GPR152: variants seen among roughly 807,000 people sequenced by gnomAD.
GPR152 encodes the protein probable G protein-coupled receptor 152.
For missense variants in GPR152, 549 were observed against 617.2 expected (o/e 0.89, Z 1.17); for synonymous variants, 278 against 289.0 (o/e 0.96, Z 0.39).
Position 67,451,899 on chromosome 11 carries a change from C to A in GPR152, c.826G>T (p.Ala276Ser), listed in dbSNP as rs1421846032. 1 of 1,611,648 alleles carries A rather than the reference C, an allele frequency of 6.2e-7. No individual in the cohort carries two copies. The highest frequency in any genetic ancestry group is 1.7e-5 in the Admixed American group (1 of 60,032). ...DVYSGYLLWE[A>S]LVYSDYLILL... The stretch of plus-strand genomic sequence containing the variant: ...ATCAGGTAGTCGGAGTAGACCAGGG[C>A]CTCCCAGAGCAGGTAGCCAGAGTAG... The change falls in exon 1 of 1, where the codon GCC (alanine) becomes TCC (serine). Residue 276 changes from alanine (A) to serine (S), a missense_variant. Transcript: ENST00000312457.
At position 67,451,939 on chromosome 11, in the gene GPR152, G is replaced by T; in HGVS notation, c.786C>A (p.Ala262=). 1 of 1,610,426 alleles carries T rather than the reference G, an allele frequency of 6.2e-7. No homozygotes were observed. The highest frequency in any genetic ancestry group is 8.5e-7 in the Non-Finnish European group (1 of 1,180,000). The change falls in exon 1 of 1, where the codon GCC becomes GCA. Residue 262 remains alanine, a synonymous_variant. Transcript: ENST00000312457. ...AGCCAGAGTAGACGTCCCACAGGAA[G>T]GCCAGGTAGAGCAGCTGGGCCAGCT... ...PYQLAQLLYL[A]FLWDVYSGYL...
In GPR152 at chr11:67,452,009, G is replaced by T. The variant is rs1157169962; in HGVS notation, c.716C>A (p.Ala239Asp). 3.1e-6 allele frequency: 5 copies of T among 1,611,816 alleles called. No individual in the cohort carries two copies. Among genetic ancestry groups the T allele is most frequent in the Non-Finnish European group, 3.4e-6 (4 of 1,179,870 alleles). ...CACATAGGCTGACAGAATGGTCCTG[G>T]CCACACGGGCGAAGCCCCGGCAGGC... ...PAACRGFARVARTILSAYVVL... is the reference protein window; with the variant it reads ...PAACRGFARVDRTILSAYVVL... The change falls in exon 1 of 1, where the codon GCC (alanine) becomes GAC (aspartate). Residue 239 changes from alanine to aspartate, a missense_variant. Transcript: ENST00000312457.
At position 67,452,166 on chromosome 11, in the gene GPR152, C is replaced by A. The variant is rs767420029; in HGVS notation, c.559G>T (p.Asp187Tyr). ...YDLVICLDFW[D>Y]SEELSLRMLE... Reference sequence around the variant, plus strand: ...ATCCTCAGCGACAGCTCCTCGCTGTCCCAGAAGTCCAGGCAGATGACCAGG... The same window carrying A: ...ATCCTCAGCGACAGCTCCTCGCTGTACCAGAAGTCCAGGCAGATGACCAGG... Residue 187 changes from aspartate (D) to tyrosine (Y), a missense_variant, in exon 1 of 1, where the codon GAC becomes TAC. Asp to Tyr is a radical substitution (Grantham distance 160). Coordinates refer to ENST00000312457, the MANE Select transcript of GPR152 (RefSeq NM_206997.1). 1.2e-6 allele frequency: 2 copies of A among 1,609,686 alleles called. No homozygotes were observed.
rs148053741 is a variant in GPR152 at position 67,451,747 on chromosome 11, C to T, written c.978G>A (p.Thr326=). The part of the protein sequence containing the change: ...ALCEERPGSF[T]PTEPQTQLDS... ...CTAGCTGGGTCTGTGGCTCAGTGGGCGTGAAGCTGCCCGGCCGCTCCTCGC... is the reference window on the plus strand; with the variant it reads ...CTAGCTGGGTCTGTGGCTCAGTGGGTGTGAAGCTGCCCGGCCGCTCCTCGC... Residue 326 remains threonine, a synonymous_variant, in exon 1 of 1, where the codon ACG becomes ACA. Coordinates refer to ENST00000312457, the MANE Select transcript of GPR152 (RefSeq NM_206997.1). The T allele has an allele frequency of 8.7e-6, 14 of 1,613,322 alleles. No homozygotes were observed. Among genetic ancestry groups the T allele is most frequent in the Non-Finnish European group, 1.1e-5 (13 of 1,180,032 alleles).
chr11:67,451,784 G>T lies in GPR152; in HGVS notation c.941C>A (p.Ala314Glu), dbSNP rs139892022. The change falls in exon 1 of 1, where the codon GCG (alanine) becomes GAG (glutamate). Residue 314 changes from alanine (A) to glutamate (E), a missense_variant. Transcript: ENST00000312457. ...TLLRSVLSSF[A>E]AALCEERPGS... ...CGGCCGCTCCTCGCAGAGAGCTGCC[G>T]CGAAGGACGAGAGCACGGAGCGCAG... is the stretch of plus-strand genomic sequence containing the variant. 36 of 1,613,192 alleles carry T rather than the reference G, an allele frequency of 2.2e-5. No homozygotes were observed. Among genetic ancestry groups the T allele is most frequent in the Non-Finnish European group, 2.9e-5 (34 of 1,180,024 alleles).
At position 67,452,321 on chromosome 11, in the gene GPR152, C is replaced by T; in HGVS notation, c.404G>A (p.Cys135Tyr). 6.2e-7 allele frequency: 1 copy of T among 1,610,716 alleles called. No individual in the cohort carries two copies. The change falls in exon 1 of 1, where the codon TGC (cysteine) becomes TAC (tyrosine). Residue 135 changes from cysteine (C) to tyrosine (Y), a missense_variant. By Grantham distance (194) the Cys-to-Tyr change is radical. Transcript: ENST00000312457. ...GCGGTGCCCAGGGTACCAGTGTGGG[C>T]ACAGCGCCAGCAGGCAGCGGTCGAG... Reference protein sequence around the residue: ...LSLDRCLLALCPHWYPGHRPV... With the variant: ...LSLDRCLLALYPHWYPGHRPV...
At position 67,451,397 on chromosome 11, in the gene GPR152, T is replaced by C; in HGVS notation, c.1328A>G (p.Glu443Gly). The change falls in exon 1 of 1, where the codon GAG becomes GGG. Residue 443 changes from glutamate (E) to glycine (G), a missense_variant. Transcript: ENST00000312457. ...PSSHPTPGALEDPATPPASEG... is the reference protein window; with the variant it reads ...PSSHPTPGALGDPATPPASEG... The stretch of plus-strand genomic sequence containing the variant: ...AGAGGCAGGAGGTGTGGCTGGGTCC[T>C]CAAGGGCCCCTGGGGTAGGATGCGA... 6.2e-7 allele frequency: 1 copy of C among 1,612,992 alleles called. No homozygotes were observed. The highest frequency in any genetic ancestry group is 2.2e-5 in the East Asian group (1 of 44,864).
In GPR152 at chr11:67,451,780, T is replaced by A; in HGVS notation, c.945A>T (p.Ala315=). Residue 315 remains alanine (A), a synonymous_variant, in exon 1 of 1, where the codon GCA becomes GCT. Coordinates refer to ENST00000312457, the MANE Select transcript of GPR152 (RefSeq NM_206997.1). ...LLRSVLSSFA[A]ALCEERPGSF... ...TGCCCGGCCGCTCCTCGCAGAGAGCTGCCGCGAAGGACGAGAGCACGGAGC... is the reference window on the plus strand; with the variant it reads ...TGCCCGGCCGCTCCTCGCAGAGAGCAGCCGCGAAGGACGAGAGCACGGAGC... 1 of 1,613,290 alleles carries A rather than the reference T, an allele frequency of 6.2e-7. No homozygotes were observed. The highest frequency in any genetic ancestry group is 8.5e-7 in the Non-Finnish European group (1 of 1,179,994).
In GPR152 at chr11:67,452,572, C is replaced by T. The variant is rs113329646; in HGVS notation, c.153G>A (p.Ala51=). The T allele has an allele frequency of 1.4e-4, 232 of 1,610,142 alleles. 6 individuals carry two copies. Among genetic ancestry groups the T allele is most frequent in the African/African-American group, 6.7e-4 (50 of 75,006 alleles). The change falls in exon 1 of 1, where the codon GCG becomes GCA. Residue 51 remains alanine (A), a synonymous_variant. Transcript: ENST00000312457. ...LLGLPANGLM[A]WLAGSQARHG... is the part of the protein sequence containing the mutation. Reference sequence around the variant, plus strand: ...GCCGGGCCTGGGAGCCGGCCAGCCACGCCATCAACCCATTGGCTGGCAGCC... The same window carrying T: ...GCCGGGCCTGGGAGCCGGCCAGCCATGCCATCAACCCATTGGCTGGCAGCC...
In GPR152 at chr11:67,451,633, G is replaced by C. The variant is rs1017033011; in HGVS notation, c.1092C>G (p.Leu364=). The C allele has an allele frequency of 6.2e-7, 1 of 1,614,008 alleles. No homozygotes were observed. The change falls in exon 1 of 1, where the codon CTC becomes CTG. Residue 364 remains leucine (L), a synonymous_variant. Transcript: ENST00000312457. ...GAGCTGTGGGATCCGATCGTGGCTG[G>C]AGTGTGGGGTTCACCTGAGGCTGGG... The part of the protein sequence containing the change: ...PVAQPQVNPT[L]QPRSDPTAQP...
At position 67,451,918 on chromosome 11, in the gene GPR152, A is replaced by G. The variant is rs1864574430; in HGVS notation, c.807T>C (p.Ser269=). Residue 269 remains serine, a synonymous_variant, in exon 1 of 1, where the codon TCT becomes TCC. Transcript: ENST00000312457. ...CCAGGGCCTCCCAGAGCAGGTAGCC[A>G]GAGTAGACGTCCCACAGGAAGGCCA... ...LYLAFLWDVY[S]GYLLWEALVY... is the part of the protein sequence containing the mutation. The G allele has an allele frequency of 2.5e-6, 4 of 1,610,808 alleles. No individual in the cohort carries two copies. Among genetic ancestry groups the G allele is most frequent in the Non-Finnish European group, 3.4e-6 (4 of 1,180,004 alleles).
chr11:67,452,056 G>A lies in GPR152; in HGVS notation c.669C>T (p.Cys223=). ...AGGCTGCGGGCTGCTGTTGGCGGTG[G>A]CAGGTGCGACAGGCTGTGGCCTGGG... The part of the protein sequence containing the change: ...VLTQATACRT[C]HRQQQPAACR... Residue 223 remains cysteine (C), a synonymous_variant, in exon 1 of 1, where the codon TGC becomes TGT. Transcript: ENST00000312457. 1.2e-6 allele frequency: 2 copies of A among 1,612,338 alleles called. No homozygotes were observed. Among genetic ancestry groups the A allele is most frequent in the South Asian group, 1.1e-5 (1 of 91,074 alleles).
rs138530126 is a variant in GPR152, at chr11:67,452,288, C to T, written c.437G>A (p.Arg146His). The change falls in exon 1 of 1, where the codon CGC becomes CAC. Residue 146 changes from arginine (R) to histidine (H), a missense_variant. Physicochemically the swap from Arg to His is conservative, Grantham distance 29 (BLOSUM62 0). Transcript: ENST00000312457. ...PHWYPGHRPV[R>H]LPLWVCAGVW... ...ACCGGCGCAGACCCAGAGGGGCAGGCGGACTGGGCGGTGCCCAGGGTACCA... is the reference window on the plus strand; with the variant it reads ...ACCGGCGCAGACCCAGAGGGGCAGGTGGACTGGGCGGTGCCCAGGGTACCA... The T allele has an allele frequency of 1.6e-5, 26 of 1,608,314 alleles. No homozygotes were observed. Among genetic ancestry groups the T allele is most frequent in the African/African-American group, 5.3e-5 (4 of 74,910 alleles).
rs201100994 is a variant in GPR152 at position 67,452,063 on chromosome 11, C to T, written c.662G>A (p.Arg221His). Residue 221 changes from arginine (R) to histidine (H), a missense_variant, in exon 1 of 1, where the codon CGC becomes CAC. Physicochemically the swap from Arg to His is conservative, Grantham distance 29 (BLOSUM62 0). Transcript: ENST00000312457. The stretch of plus-strand genomic sequence containing the variant: ...GGGCTGCTGTTGGCGGTGGCAGGTG[C>T]GACAGGCTGTGGCCTGGGTGAGCAC... ...CHVLTQATAC[R>H]TCHRQQQPAA... 5.3e-5 allele frequency: 86 copies of T among 1,612,258 alleles called. No homozygotes were observed. The Admixed American group carries it at 6.2e-4, about 12-fold the overall frequency.
At position 67,452,106 on chromosome 11, in the gene GPR152, G is replaced by A; in HGVS notation, c.619C>T (p.Leu207=). 1.2e-6 allele frequency: 2 copies of A among 1,612,090 alleles called. No individual in the cohort carries two copies. The highest frequency in any genetic ancestry group is 1.7e-6 in the Non-Finnish European group (2 of 1,179,884). ...GTGAGCACGTGGCAGACGAGCAGCA[G>A]GAGGAAAGGCAGGAAGCCCCCCAGG... The part of the protein sequence containing the change: ...EVLGGFLPFL[L]LLVCHVLTQA... The change falls in exon 1 of 1, where the codon CTG becomes TTG. Residue 207 remains leucine (L), a synonymous_variant. Coordinates refer to ENST00000312457, the MANE Select transcript of GPR152 (RefSeq NM_206997.1).
rs1398667502 is a variant in GPR152, at chr11:67,452,394, A to G, written c.331T>C (p.Trp111Arg). The change falls in exon 1 of 1, where the codon TGG (tryptophan) becomes CGG (arginine). Residue 111 changes from tryptophan (W) to arginine (R), a missense_variant. By Grantham distance (101) the Trp-to-Arg change is moderately radical. Transcript: ENST00000312457. ...TAACRFYYFL[W>R]GVSYSSGLFL... ...AGGCCGGAGGAGTAGGACACGCCCC[A>G]TAGGAAGTAGTAGAAGCGGCAGGCA... is the stretch of plus-strand genomic sequence containing the variant. 2 of 1,612,836 alleles carry G rather than the reference A, an allele frequency of 1.2e-6. No homozygotes were observed. Among genetic ancestry groups the G allele is most frequent in the Non-Finnish European group, 8.5e-7 (1 of 1,179,908 alleles).
Position 67,452,231 on chromosome 11 carries a change from G to T in GPR152, c.494C>A (p.Pro165His), listed in dbSNP as rs374063857. Residue 165 changes from proline (P) to histidine (H), a missense_variant, in exon 1 of 1, where the codon CCC becomes CAC. Coordinates refer to ENST00000312457, the MANE Select transcript of GPR152 (RefSeq NM_206997.1). ...VWVLATLFSV[P>H]WLVFPEAAVW... ...GGCAGCCTCGGGGAAGACCAGCCAGGGCACGCTGAAGAGTGTGGCCAGCAC... is the reference window on the plus strand; with the variant it reads ...GGCAGCCTCGGGGAAGACCAGCCAGTGCACGCTGAAGAGTGTGGCCAGCAC... The T allele has an allele frequency of 1.1e-5, 18 of 1,609,098 alleles. No homozygotes were observed. Among genetic ancestry groups the T allele is most frequent in the South Asian group, 6.6e-5 (6 of 91,092 alleles).
At position 67,451,666 on chromosome 11, in the gene GPR152, A is replaced by T. The variant is rs1565157103; in HGVS notation, c.1059T>A (p.Asp353Glu). The change falls in exon 1 of 1, where the codon GAT (aspartate) becomes GAA (glutamate). Residue 353 changes from aspartate to glutamate, a missense_variant. By Grantham distance (45) the Asp-to-Glu change is conservative. Transcript: ENST00000312457. ...EPMAEAQSQM[D>E]PVAQPQVNPT... The stretch of plus-strand genomic sequence containing the variant: ...GGTTCACCTGAGGCTGGGCCACAGG[A>T]TCCATCTGTGACTGGGCCTCTGCCA... 6.2e-7 allele frequency: 1 copy of T among 1,613,912 alleles called. No individual in the cohort carries two copies. Among genetic ancestry groups the T allele is most frequent in the Non-Finnish European group, 8.5e-7 (1 of 1,180,000 alleles).
In GPR152 at chr11:67,452,370, G is replaced by C. The variant is rs746764243; in HGVS notation, c.355C>G (p.Leu119Val). 1 of 1,612,502 alleles carries C rather than the reference G, an allele frequency of 6.2e-7. No homozygotes were observed. The highest frequency in any genetic ancestry group is 2.2e-5 in the East Asian group (1 of 44,874). ...AGGCTGAGGGCGGCCAGCAGGAAGAGGCCGGAGGAGTAGGACACGCCCCAT... is the reference window on the plus strand; with the variant it reads ...AGGCTGAGGGCGGCCAGCAGGAAGACGCCGGAGGAGTAGGACACGCCCCAT... ...FLWGVSYSSG[L>V]FLLAALSLDR... Residue 119 changes from leucine (L) to valine (V), a missense_variant, in exon 1 of 1, where the codon CTC becomes GTC. By Grantham distance (32) the Leu-to-Val change is conservative. Transcript: ENST00000312457.
Sources: allele counts gnomAD v4.1 joint callset, GRCh38; gene constraint gnomAD v4.1.1; transcripts MANE v1.5; gene names NCBI Gene and HGNC (gene_info 2026-07-23, HGNC 2026-07-21).